The following RAPGEF6 variants were observed in gnomAD, a reference collection of about 807,000 sequenced individuals.
RAPGEF6 encodes Rap guanine nucleotide exchange factor 6, also known as PDZ domain containing guanine nucleotide exchange factor (GEF) 2.
In RAPGEF6, 56 loss-of-function variants were observed where a neutral mutation model predicts 171.4. The observed-to-expected ratio is 0.33, with a 90% CI of 0.26 to 0.41. The LOEUF is 0.41. RAPGEF6 is among the 10% of genes least tolerant of loss of function. The pLI is 1.00. For synonymous variants in RAPGEF6, 692 were observed against 650.1 expected (o/e 1.06, Z -0.98); for missense variants, 1,674 against 1,921.4 (o/e 0.87, Z 2.41).
At chr5:131,597,306 A>AAAAAAAAAAT (rs1763959465) in intron 3 of RAPGEF6, among the ~76,000 whole-genome samples, 1 of 151,162 alleles carries the variant, frequency 6.6e-6, no homozygotes, top group Non-Finnish European at 1.5e-5. Flanking sequence ...AACAATATGG[A>AAAAAAAAAAT]GGTTACTAAA....
intron 15 of RAPGEF6, among the ~76,000 whole-genome samples, chr5:131,486,218 C>T (rs1209764747): frequency 6.6e-6 from 1 of 152,222 alleles, no homozygotes; most frequent in Non-Finnish European, 1.5e-5. Context: ...GAGCTCCTCT[C>T]AGTTTTATTC....
chr5:131,435,963 C>T (rs1480894285), intron 24 of RAPGEF6: 2 of 1,531,018 alleles, frequency 1.3e-6, no homozygotes, highest in Non-Finnish European at 1.8e-6. Flanking sequence ...AGAGTGTCTT[C>T]CTCCTTTTAG....
At chr5:131,549,300 C>G (rs1760757335) in intron 5 of RAPGEF6, among the ~76,000 whole-genome samples, 1 of 152,112 alleles carries the variant, frequency 6.6e-6, no homozygotes, top group Admixed American at 6.5e-5. Flanking sequence ...CCCATAACTA[C>G]TCTTTCTGCT....
chr5:131,510,314 C>T lies in RAPGEF6; in HGVS notation c.805G>A (p.Glu269Lys). The T allele has an allele frequency of 6.2e-7, 1 of 1,609,718 alleles. No individual in the cohort carries two copies. Among genetic ancestry groups the T allele is most frequent in the Non-Finnish European group, 8.5e-7 (1 of 1,178,384 alleles). Residue 269 changes from glutamate (E) to lysine (K), a missense_variant and splice_region_variant, in exon 8 of 28, where the codon GAA (glutamate) becomes AAA (lysine). Coordinates refer to ENST00000509018, the MANE Select transcript of RAPGEF6 (RefSeq NM_016340.6). ...TATTGTGAACACATATATTTCTTAC[C>T]AATGTCATCATCAGTTTTGTCTGCA... ...EPADKTDDDI[E>K]QLLEFMHQLP...
chr5:131,505,715 T>C (rs1757331356), intron 9 of RAPGEF6, among the ~76,000 whole-genome samples, 193 bp from the exon 10 acceptor site: 1 of 152,234 alleles, frequency 6.6e-6, no homozygotes. Context: ...TTACTCTTTC[T>C]TCTTTTAGTC....
At chr5:131,513,112 T>C (rs1757850218) in intron 7 of RAPGEF6, among the ~76,000 whole-genome samples, 1 of 152,214 alleles carries the variant, frequency 6.6e-6, no homozygotes, top group Non-Finnish European at 1.5e-5. Context: ...AAACGGAGTA[T>C]ATTTCTGAAT....
intron 15 of RAPGEF6, among the ~76,000 whole-genome samples, chr5:131,487,577 T>G (rs1756002881): frequency 6.6e-6 from 1 of 152,018 alleles, no homozygotes; most frequent in African/African-American, 2.4e-5. Context: ...AGACACAGAG[T>G]GCTGATTGGT....
intron 6 of RAPGEF6, among the ~76,000 whole-genome samples, chr5:131,523,407 T>C (rs368415938): frequency 2.7e-5 from 4 of 150,684 alleles, no homozygotes; most frequent in South Asian, 4.2e-4. Context: ...CTATCATATA[T>C]ATAGAGAAAA....
intron 5 of RAPGEF6, among the ~76,000 whole-genome samples, chr5:131,549,913 T>C (rs1760811936): frequency 6.6e-6 from 1 of 152,132 alleles, no homozygotes. Context: ...TTCCCCTCTA[T>C]GTGTCCATGT....
chr5:131,473,406 T>C (rs886630512), intron 16 of RAPGEF6, among the ~76,000 whole-genome samples: 1 of 152,230 alleles, frequency 6.6e-6, no homozygotes, highest in Admixed American at 6.5e-5. Context: ...AAATGTGACA[T>C]AGGCAACTTC....
At chr5:131,550,436 C>T (rs1270481910) in intron 5 of RAPGEF6, among the ~76,000 whole-genome samples, 1 of 152,124 alleles carries the variant, frequency 6.6e-6, no homozygotes, top group African/African-American at 2.4e-5. Flanking sequence ...ATTTGCTTTC[C>T]CACAAAAATT....
At position 131,542,980 on chromosome 5, in the gene RAPGEF6, C is replaced by T. The variant is rs562492963; in HGVS notation, c.495+5067G>A. 3.3e-5 allele frequency among the ~76,000 whole-genome samples: 5 copies of T among 152,214 alleles called. No homozygotes were observed. The South Asian group carries it at 1.0e-3, about 32-fold the overall frequency. On this transcript the variant is annotated intron_variant, in intron 6 of 27. Coordinates refer to ENST00000509018, the MANE Select transcript of RAPGEF6 (RefSeq NM_016340.6). ...TACTTGTACATTGTGATCAATAGCT[C>T]AATACTATGGCTAGCTAGCTGCTAT...
At chr5:131,493,750 G>A (rs1360812499) in intron 13 of RAPGEF6, among the ~76,000 whole-genome samples, 1 of 151,582 alleles carries the variant, frequency 6.6e-6, no homozygotes, top group African/African-American at 2.4e-5. Flanking sequence ...GTATAAAGTA[G>A]AATGCAATGA....
At chr5:131,619,186 T>A (rs1188530194) in intron 1 of RAPGEF6, among the ~76,000 whole-genome samples, 1 of 152,122 alleles carries the variant, frequency 6.6e-6, no homozygotes, top group Non-Finnish European at 1.5e-5. Flanking sequence ...ACGCATTTAC[T>A]AATCATTCTC....
chr5:131,545,192 A>G (rs1760437127), intron 6 of RAPGEF6, among the ~76,000 whole-genome samples: 1 of 152,180 alleles, frequency 6.6e-6, no homozygotes, highest in Non-Finnish European at 1.5e-5. Context: ...AATGTACAAC[A>G]AAACTATAAA....
chr5:131,462,817 C>T (rs1418837575), intron 18 of RAPGEF6, among the ~76,000 whole-genome samples: 1 of 152,192 alleles, frequency 6.6e-6, no homozygotes, highest in South Asian at 2.1e-4. Flanking sequence ...AATAATCCAA[C>T]TTGATTTAAG....
chr5:131,505,633 G>C, intron 9 of RAPGEF6, 111 bp from the exon 10 acceptor site: 1 of 979,034 alleles, frequency 1.0e-6, no homozygotes, highest in Non-Finnish European at 1.5e-6. Flanking sequence ...GAAAAAGGAG[G>C]ATCTGGTTAT....
At chr5:131,614,649 T>C (rs1382365901) in intron 1 of RAPGEF6, among the ~76,000 whole-genome samples, 1 of 152,178 alleles carries the variant, frequency 6.6e-6, no homozygotes, top group Non-Finnish European at 1.5e-5. Context: ...ACGTGAGATT[T>C]GGGTGGGGAC....
intron 18 of RAPGEF6, chr5:131,463,780 A>C (rs972553359): frequency 9.3e-7 from 1 of 1,075,660 alleles, no homozygotes; most frequent in African/African-American, 1.6e-5. Flanking sequence ...ACAAATTTAT[A>C]AATTAGTAGA....
Sources: gnomAD v4.1 joint callset for allele counts (sites outside exome capture counted in the v4.1 genomes callset) on GRCh38, gnomAD v4.1.1 for gene constraint, MANE v1.5 for transcripts, NCBI Gene and HGNC (gene_info 2026-07-23, HGNC 2026-07-21) for gene names.